The following SNX27 variants were observed in gnomAD, a reference collection of about 807,000 sequenced individuals.
SNX27 encodes sorting nexin 27, also known as sorting nexin-27.
In SNX27, 22 loss-of-function variants were observed where a neutral mutation model predicts 71.6. The ratio of observed to expected loss-of-function variants is 0.31; its 90% confidence interval spans 0.22 to 0.44. The LOEUF (loss-of-function observed/expected upper bound fraction) is 0.44, where lower values mean the gene tolerates loss of function less well. SNX27 is among the 20% of genes least tolerant of loss of function. The probability of loss-of-function intolerance (pLI) is 1.00; values close to 1 mark genes in which losing one functional copy is unlikely to be tolerated. For synonymous variants in SNX27, 269 were observed against 277.2 expected, an observed-to-expected ratio of 0.97 and a Z score of 0.29; for missense variants, 531 against 698.6, an observed-to-expected ratio of 0.76 and a Z score of 2.70.
At chr1:151,621,668 A>G (rs1357768234) in intron 1 of SNX27, among the ~76,000 whole-genome samples, 2 of 152,242 alleles carry the variant, frequency 1.3e-5, no homozygotes, top group African/African-American at 4.8e-5. Context: ...ATTATTAACT[A>G]GGAAGGTTGT....
intron 1 of SNX27, chr1:151,629,460 CGTATATATACATATAT>C (rs1417348837): frequency 1.4e-5 from 1 of 70,018 alleles, no homozygotes; most frequent in Admixed American, 1.8e-4. Flanking sequence ...TGTATATATA[CGTATATATACATATAT>C]ACGTATATAT....
chr1:151,651,983 T>G (rs374144879), intron 2 of SNX27, among the ~76,000 whole-genome samples: 1 of 152,128 alleles, frequency 6.6e-6, no homozygotes, highest in African/African-American at 2.4e-5. Context: ...GCGGATCACT[T>G]GCGGTTAGGG....
At chr1:151,690,955 C>T (rs1385081741) in intron 8 of SNX27, among the ~76,000 whole-genome samples, 1 of 152,186 alleles carries the variant, frequency 6.6e-6, no homozygotes, top group Non-Finnish European at 1.5e-5. Context: ...CCTCACTCCT[C>T]TGTGTTTCAG....
intron 8 of SNX27, among the ~76,000 whole-genome samples, chr1:151,691,959 G>T (rs112633393): frequency 5.9e-5 from 9 of 152,212 alleles, no homozygotes; most frequent in Admixed American, 2.0e-4. Flanking sequence ...TTGCACTTTC[G>T]GTGGCTGAGG....
In SNX27 at chr1:151,693,500, C is replaced by T. The variant is rs1375919200; in HGVS notation, c.1578+17C>T. On this transcript the variant is annotated intron_variant, in intron 11 of 11. Coordinates refer to ENST00000458013, the MANE Select transcript of SNX27 (RefSeq NM_001330723.2). ...AGAAAAGAGGTAATTCTGAACAGTC[C>T]TTGAATTGACCTTTTCATCTTTTTG... The T allele has an allele frequency of 1.2e-6, 2 of 1,613,768 alleles. No homozygotes were observed. The highest frequency in any genetic ancestry group is 1.3e-5 in the African/African-American group (1 of 74,888).
chr1:151,650,615 AT>A (rs1218313936), intron 2 of SNX27, among the ~76,000 whole-genome samples: 3 of 150,850 alleles, frequency 2.0e-5, no homozygotes, highest in Admixed American at 1.3e-4. Context: ...AAATTTATTT[AT>A]TTTTTATTGA....
intron 1 of SNX27, among the ~76,000 whole-genome samples, chr1:151,636,127 A>C (rs898207229): frequency 2.6e-5 from 4 of 152,230 alleles, no homozygotes; most frequent in African/African-American, 9.6e-5. Context: ...AATTTTGTAG[A>C]TCCAGTGACT....
At chr1:151,656,413 T>TCACACTTCATATA (rs1553260261) in intron 2 of SNX27, among the ~76,000 whole-genome samples, 2 of 152,116 alleles carry the variant, frequency 1.3e-5, no homozygotes, top group Non-Finnish European at 2.9e-5. Context: ...ACTCACATGG[T>TCACACTTCATATA]CAATAAGTAT....
At chr1:151,674,877 G>A (rs946545121) in intron 7 of SNX27, among the ~76,000 whole-genome samples, 3 of 151,580 alleles carry the variant, frequency 2.0e-5, no homozygotes, top group South Asian at 2.1e-4. Flanking sequence ...TAGTAGAGAC[G>A]GGGTTTCACC....
intron 2 of SNX27, among the ~76,000 whole-genome samples, chr1:151,652,426 T>C (rs1336288442): frequency 3.6e-5 from 5 of 139,792 alleles, no homozygotes; most frequent in Non-Finnish European, 7.7e-5. Context: ...TTTTTTTTCC[T>C]CAGACGGAGC....
At chr1:151,674,269 T>C (rs1169074921) in intron 7 of SNX27, among the ~76,000 whole-genome samples, 1 of 152,212 alleles carries the variant, frequency 6.6e-6, no homozygotes, top group East Asian at 1.9e-4. Context: ...TAATCTGTTA[T>C]TTTAACCTGG....
chr1:151,674,281 A>C (rs1285812463), intron 7 of SNX27, among the ~76,000 whole-genome samples: 1 of 152,212 alleles, frequency 6.6e-6, no homozygotes, highest in East Asian at 1.9e-4. Context: ...TTAACCTGGT[A>C]ACAGCACTGT....
intron 1 of SNX27, among the ~76,000 whole-genome samples, chr1:151,621,688 C>A (rs1359030901): frequency 6.6e-6 from 1 of 152,190 alleles, no homozygotes; most frequent in Non-Finnish European, 1.5e-5. Context: ...TCTCTTCCAC[C>A]CGCAAATACC....
At chr1:151,670,802 G>T (rs1670424990) in intron 7 of SNX27, among the ~76,000 whole-genome samples, 1 of 152,002 alleles carries the variant, frequency 6.6e-6, no homozygotes, top group South Asian at 2.1e-4. Flanking sequence ...GATCCCATTT[G>T]TCCATTTTTG....
At chr1:151,660,675 A>AT (rs1227594173) in intron 3 of SNX27, 123 bp from the exon 4 acceptor site, 1 of 703,886 alleles carries the variant, frequency 1.4e-6, no homozygotes, top group Non-Finnish European at 2.6e-6. Context: ...CTGCCTCATT[A>AT]TTGCCTGCTA....
chr1:151,641,627 A>ATATATATATC (rs1254918416), intron 2 of SNX27, among the ~76,000 whole-genome samples: 8 of 120,966 alleles, frequency 6.6e-5, no homozygotes, highest in Admixed American at 3.8e-4. Flanking sequence ...ATATATATAT[A>ATATATATATC]TATCATATGT....
chr1:151,649,530 C>T (rs1172982617), intron 2 of SNX27, among the ~76,000 whole-genome samples: 1 of 152,184 alleles, frequency 6.6e-6, no homozygotes, highest in African/African-American at 2.4e-5. Flanking sequence ...CTGCAGTGAG[C>T]TGTGGTCATA....
At chr1:151,617,885 T>G (rs1419017316) in intron 1 of SNX27, among the ~76,000 whole-genome samples, 1 of 150,252 alleles carries the variant, frequency 6.7e-6, no homozygotes, top group South Asian at 2.1e-4. Flanking sequence ...GCTGTTTTTT[T>G]TTTTTTTTTT....
chr1:151,612,389 A>G lies in SNX27; in HGVS notation c.188A>G (p.Glu63Gly). 2.6e-6 allele frequency: 4 copies of G among 1,531,314 alleles called. No homozygotes were observed. Among genetic ancestry groups the G allele is most frequent in the Non-Finnish European group, 3.5e-6 (4 of 1,141,700 alleles). 94.9% of individuals were successfully genotyped at this position (1,531,314 alleles called of 1,614,324 possible). A position where few individuals can be genotyped will look rare whatever the true frequency, so the allele number is the denominator to read the frequency against. The change falls in exon 1 of 12, where the codon GAG (glutamate) becomes GGG (glycine). Residue 63 changes from glutamate to glycine, a missense_variant. Coordinates refer to ENST00000458013, the MANE Select transcript of SNX27 (RefSeq NM_001330723.2). The surrounding 1 kb of genome is among the most constrained non-coding windows in gnomAD (Gnocchi z 5.2). ...YGFNVRGQVS[E>G]GGQLRSINGE... ...TTCAACGTGCGGGGCCAAGTGAGCGAGGGCGGGCAACTGCGGAGCATCAAC... is the reference window on the plus strand; with the variant it reads ...TTCAACGTGCGGGGCCAAGTGAGCGGGGGCGGGCAACTGCGGAGCATCAAC...
Sources: allele counts gnomAD v4.1 joint callset (sites outside exome capture counted in the v4.1 genomes callset), GRCh38; gene constraint gnomAD v4.1.1; non-coding constraint Gnocchi (gnomAD v3.1); transcripts MANE v1.5; gene names NCBI Gene and HGNC (gene_info 2026-07-23, HGNC 2026-07-21).